The following OR52K1 variants were observed in gnomAD, a reference collection of about 807,000 sequenced individuals.
The protein encoded by OR52K1 is olfactory receptor family 52 subfamily K member 1.
A neutral mutation model predicts 8.7 loss-of-function variants in OR52K1; 10 were observed. The ratio of observed to expected loss-of-function variants is 1.15; its 90% confidence interval spans 0.71 to 1.95. The LOEUF (loss-of-function observed/expected upper bound fraction) is 1.95, where lower values mean the gene tolerates loss of function less well. Among genes scored for constraint, OR52K1 ranks in the 30% most tolerant of loss-of-function variants. The pLI, the probability that OR52K1 is intolerant of heterozygous loss-of-function variation, is 0.00. For synonymous variants in OR52K1, 203 were observed against 148.5 expected (o/e 1.37, Z -2.67); for missense variants, 431 against 397.2 (o/e 1.08, Z -0.72).
At chr11:4,486,895 G>T (rs1846325052) in intron 1 of OR52K1, among the ~76,000 whole-genome samples, 1 of 152,224 alleles carries the variant, frequency 6.6e-6, no homozygotes, top group Admixed American at 6.5e-5. Flanking sequence ...GGCAGAAGCA[G>T]GAGAAGGAAG....
In OR52K1 at chr11:4,489,346, C is replaced by T. The variant is rs770302912; in HGVS notation, c.446C>T (p.Ala149Val). ...TCCCTCATCACCAAGATTGGCATGG[C>T]TGCTGTGGCCCGGGCTGTGACACTA... is the stretch of plus-strand genomic sequence containing the variant. The part of the protein sequence containing the change: ...TGSLITKIGM[A>V]AVARAVTLMT... Residue 149 changes from alanine (A) to valine (V), a missense_variant, in exon 2 of 2, where the codon GCT becomes GTT. Coordinates refer to ENST00000641528, the MANE Select transcript of OR52K1 (RefSeq NM_001005171.3). 6.2e-7 allele frequency: 1 copy of T among 1,614,192 alleles called. No homozygotes were observed. Among genetic ancestry groups the T allele is most frequent in the South Asian group, 1.1e-5 (1 of 91,080 alleles).
chr11:4,483,344 C>G (rs1846295642), intron 1 of OR52K1, among the ~76,000 whole-genome samples, 168 bp downstream of exon 1: 1 of 152,048 alleles, frequency 6.6e-6, no homozygotes, highest in African/African-American at 2.4e-5. Flanking sequence ...TTAATTGAGT[C>G]CATTCTGGGT....
chr11:4,488,401 A>G, intron 1 of OR52K1, among the ~76,000 whole-genome samples, 172 bp from the exon 2 acceptor site: 1 of 152,214 alleles, frequency 6.6e-6, no homozygotes, highest in Non-Finnish European at 1.5e-5. Flanking sequence ...TTGTGTGATT[A>G]ATTTGGGCAT....
At position 4,491,931 on chromosome 11, in the gene OR52K1, A is replaced by G. The variant is rs1846378608; in HGVS notation, c.*2086A>G. On this transcript the variant is annotated 3_prime_UTR_variant, in exon 2 of 2. Coordinates refer to ENST00000641528, the MANE Select transcript of OR52K1 (RefSeq NM_001005171.3). ...TACCTCTAACCTAAAATAAAAGTTA[A>G]AAAGGACACTATGATATTGGTGCAA... The G allele has an allele frequency of 1.3e-5, 2 of 152,196 alleles. No homozygotes were observed. The highest frequency in any genetic ancestry group is 2.9e-5 in the Non-Finnish European group (2 of 68,038). 9.4% of individuals were successfully genotyped at this position (152,196 alleles called of 1,614,324 possible). A position where few individuals can be genotyped will look rare whatever the true frequency, so the allele number is the denominator to read the frequency against.
chr11:4,486,947 C>G (rs917795488), intron 1 of OR52K1, among the ~76,000 whole-genome samples: 1 of 152,012 alleles, frequency 6.6e-6, no homozygotes, highest in East Asian at 1.9e-4. Flanking sequence ...TGGTGGTACA[C>G]GAGAAAAGTG....
chr11:4,484,190 C>A (rs556925810), intron 1 of OR52K1, among the ~76,000 whole-genome samples: 1 of 152,272 alleles, frequency 6.6e-6, no homozygotes, highest in East Asian at 1.9e-4. Context: ...TTCTTAACTC[C>A]AGTCCCTTCA....
chr11:4,483,070 TCATTG>T lies in OR52K1; in HGVS notation c.-433_-429del. ...TGGATCTGTCACTTCTCACCTCCTG[TCATTG>T]CTTTTTCTAACCCCTGGCAAATGCC... On this transcript the variant is annotated 5_prime_UTR_variant, in exon 1 of 2. An upstream open reading frame in the 5' UTR loses its in-frame stop. Coordinates refer to ENST00000641528, the MANE Select transcript of OR52K1 (RefSeq NM_001005171.3). The T allele has an allele frequency of 2.5e-6, 1 of 398,362 alleles. No individual in the cohort carries two copies. The highest frequency in any genetic ancestry group is 4.4e-5 in the Admixed American group (1 of 22,724). 24.7% of individuals were successfully genotyped at this position (398,362 alleles called of 1,614,324 possible). A position where few individuals can be genotyped will look rare whatever the true frequency, so the allele number is the denominator to read the frequency against.
rs1323599437 is a variant in OR52K1 at position 4,492,135 on chromosome 11, A to G, written c.*2290A>G. On this transcript the variant is annotated 3_prime_UTR_variant, in exon 2 of 2. Coordinates refer to ENST00000641528, the MANE Select transcript of OR52K1 (RefSeq NM_001005171.3). ...TAGAGGCCATTATTCTTTGCAAATT[A>G]AAGTGTGCATTAACTTTCCTGCTTT... 7 of 152,216 alleles carry G rather than the reference A, an allele frequency of 4.6e-5. No homozygotes were observed. The highest frequency in any genetic ancestry group is 8.8e-5 in the Non-Finnish European group (6 of 68,042). The allele number at this position is 152,216 out of a possible 1,614,324, so 9.4% of individuals were successfully genotyped here.
rs774641290 is a variant in OR52K1, at chr11:4,489,621, G to GT, written c.721_722insT (p.Gly241ValfsTer63). The GT allele has an allele frequency of 2.5e-6, 4 of 1,614,030 alleles. No individual in the cohort carries two copies. The African/African-American group carries it at 5.3e-5, about 22-fold the overall frequency. ...TCAGGAGGCCCGCTACAAGGCATTT[G>GT]GGACATGTGTGTCTCACATAGGTGC... On this transcript the variant is annotated frameshift_variant, in exon 2 of 2. Transcript: ENST00000641528. LOFTEE classifies it high-confidence loss of function.
At chr11:4,483,314 G>T (rs528912584) in intron 1 of OR52K1, 138 bp downstream of exon 1, 2 of 396,364 alleles carry the variant, frequency 5.0e-6, no homozygotes, top group Non-Finnish European at 8.9e-6. Flanking sequence ...AAAGGTATAG[G>T]CAACCAAATA....
At chr11:4,488,149 A>G (rs1467189719) in intron 1 of OR52K1, among the ~76,000 whole-genome samples, 1 of 152,246 alleles carries the variant, frequency 6.6e-6, no homozygotes, top group Non-Finnish European at 1.5e-5. Context: ...GCATGGCTGT[A>G]TTTACAGAGA....
In OR52K1 at chr11:4,492,351, C is replaced by T. The variant is rs1289128816; in HGVS notation, c.*2506C>T. On this transcript the variant is annotated 3_prime_UTR_variant, in exon 2 of 2. Coordinates refer to ENST00000641528, the MANE Select transcript of OR52K1 (RefSeq NM_001005171.3). ...CCCTCTACCAGAAGAATAAGCGTATCACAGCCTAGACTCATGATGAAGATC... is the reference window on the plus strand; with the variant it reads ...CCCTCTACCAGAAGAATAAGCGTATTACAGCCTAGACTCATGATGAAGATC... 2.0e-5 allele frequency: 3 copies of T among 152,128 alleles called. No individual in the cohort carries two copies. The highest frequency in any genetic ancestry group is 6.5e-5 in the Admixed American group (1 of 15,274). 9.4% of individuals were successfully genotyped at this position (152,128 alleles called of 1,614,324 possible). A position where few individuals can be genotyped will look rare whatever the true frequency, so the allele number is the denominator to read the frequency against.
rs140738309 is a variant in OR52K1, at chr11:4,488,974, T to C, written c.74T>C (p.Leu25Pro). 3.2e-4 allele frequency: 512 copies of C among 1,614,166 alleles called. 2 individuals carry two copies. The African/African-American group carries it at 6.1e-3, about 19-fold the overall frequency. Residue 25 changes from leucine (L) to proline (P), a missense_variant, in exon 2 of 2, where the codon CTG (leucine) becomes CCG (proline). Leu to Pro is a moderately conservative substitution (Grantham distance 98). Coordinates refer to ENST00000641528, the MANE Select transcript of OR52K1 (RefSeq NM_001005171.3). ...GTAGGAATTCCTGGTTTGGAACACC[T>C]GCATGCCTGGATCTCCATCCCCTTC... Reference protein sequence around the residue: ...LLVGIPGLEHLHAWISIPFCF... With the variant: ...LLVGIPGLEHPHAWISIPFCF...
intron 1 of OR52K1, among the ~76,000 whole-genome samples, chr11:4,486,827 T>C (rs760251635): frequency 5.3e-5 from 8 of 152,166 alleles, no homozygotes; most frequent in Non-Finnish European, 7.3e-5. Context: ...CTGAATGACA[T>C]GGATATAAAA....
At position 4,491,462 on chromosome 11, in the gene OR52K1, C is replaced by A. The variant is rs538249177; in HGVS notation, c.*1617C>A. On this transcript the variant is annotated 3_prime_UTR_variant, in exon 2 of 2. Transcript: ENST00000641528. Reference sequence around the variant, plus strand: ...ACCCAAAGGAACCTAAGTTGTTCTACCATAAAGATAACATGTATGTGTACA... The same window carrying A: ...ACCCAAAGGAACCTAAGTTGTTCTAACATAAAGATAACATGTATGTGTACA... The A allele has an allele frequency of 6.6e-6, 1 of 152,218 alleles. No homozygotes were observed. The highest frequency in any genetic ancestry group is 1.9e-4 in the East Asian group (1 of 5,180). 9.4% of individuals were successfully genotyped at this position (152,218 alleles called of 1,614,324 possible). A position where few individuals can be genotyped will look rare whatever the true frequency, so the allele number is the denominator to read the frequency against.
In OR52K1 at chr11:4,491,224, CAATGA is replaced by C. The variant is rs1380014309; in HGVS notation, c.*1383_*1387del. 2 of 151,906 alleles carry C rather than the reference CAATGA, an allele frequency of 1.3e-5. No homozygotes were observed. Among genetic ancestry groups the C allele is most frequent in the African/African-American group, 2.4e-5 (1 of 41,330 alleles). 9.4% of individuals were successfully genotyped at this position (151,906 alleles called of 1,614,324 possible). A position where few individuals can be genotyped will look rare whatever the true frequency, so the allele number is the denominator to read the frequency against. ...ACTTTGCTGTATGACTTGATTTGGC[CAATGA>C]AATTTGAGTAGCCCTGAAATGTACT... is the stretch of plus-strand genomic sequence containing the variant. On this transcript the variant is annotated 3_prime_UTR_variant, in exon 2 of 2. Transcript: ENST00000641528.
chr11:4,484,066 G>C (rs1846301432), intron 1 of OR52K1, among the ~76,000 whole-genome samples: 1 of 152,168 alleles, frequency 6.6e-6, no homozygotes, highest in African/African-American at 2.4e-5. Flanking sequence ...CATGAGGGGA[G>C]TAGTATTCTG....
intron 1 of OR52K1, among the ~76,000 whole-genome samples, chr11:4,485,244 C>T (rs1337179385): frequency 6.6e-6 from 1 of 152,166 alleles, no homozygotes; most frequent in Non-Finnish European, 1.5e-5. Context: ...CAGTGTGCTC[C>T]AACTCTTCTC....
Position 4,492,180 on chromosome 11 carries a change from A to G in OR52K1, c.*2335A>G, listed in dbSNP as rs1038207843. The G allele has an allele frequency of 3.3e-5, 5 of 152,080 alleles. No homozygotes were observed. The highest frequency in any genetic ancestry group is 5.9e-5 in the Non-Finnish European group (4 of 68,030). The allele number at this position is 152,080 out of a possible 1,614,324, so 9.4% of individuals were successfully genotyped here. A position where few individuals can be genotyped will look rare whatever the true frequency, so the allele number is the denominator to read the frequency against. On this transcript the variant is annotated 3_prime_UTR_variant, in exon 2 of 2. Coordinates refer to ENST00000641528, the MANE Select transcript of OR52K1 (RefSeq NM_001005171.3). Reference sequence around the variant, plus strand: ...TGCTTTCTTTCCCCTCTGCTGCAAAACCCAGCAAAGTTCCAGTTAGAGGCT... The same window carrying G: ...TGCTTTCTTTCCCCTCTGCTGCAAAGCCCAGCAAAGTTCCAGTTAGAGGCT...
Sources: gnomAD v4.1 joint callset for allele counts (sites outside exome capture counted in the v4.1 genomes callset) on GRCh38, gnomAD v4.1.1 for gene constraint, MANE v1.5 for transcripts, NCBI Gene and HGNC (gene_info 2026-07-23, HGNC 2026-07-21) for gene names.